Variants in FSTL5 observed in about 807,000 individuals in gnomAD.
The protein encoded by FSTL5 is follistatin-related protein 5.
FSTL5 carries 62 observed loss-of-function variants against 89.1 expected under a neutral mutation model. The ratio of observed to expected loss-of-function variants is 0.70; its 90% CI spans 0.57 to 0.86. The LOEUF (loss-of-function observed/expected upper bound fraction) is 0.86. FSTL5 is among the 40% of genes least tolerant of loss of function. The pLI is 0.00. For missense variants in FSTL5, 1,057 were observed against 1,001.6 expected (o/e 1.06, Z -0.75); for synonymous variants, 383 against 346.2 (o/e 1.11, Z -1.18).
chr4:162,055,048 A>C (rs1738493662), intron 2 of FSTL5, among the ~76,000 whole-genome samples: 3 of 151,888 alleles, frequency 2.0e-5, no homozygotes, highest in African/African-American at 7.3e-5. Context: ...GTTTTTGTGG[A>C]TAGCATGTAT....
At chr4:161,643,033 T>A (rs72687599) in intron 7 of FSTL5, among the ~76,000 whole-genome samples, 2,282 of 152,310 alleles carry the variant, frequency 0.015, 25 homozygotes, top group Non-Finnish European at 0.024. Flanking sequence ...ATAAACATGT[T>A]GGTTTATATA....
intron 2 of FSTL5, among the ~76,000 whole-genome samples, chr4:162,068,064 A>G (rs1353656388): frequency 6.6e-6 from 1 of 152,142 alleles, no homozygotes; most frequent in East Asian, 1.9e-4. Flanking sequence ...ACACAAACAA[A>G]TGGAAAAACA....
chr4:161,688,713 G>C (rs761407582), intron 6 of FSTL5, among the ~76,000 whole-genome samples: 3 of 152,038 alleles, frequency 2.0e-5, no homozygotes, highest in Non-Finnish European at 4.4e-5. Flanking sequence ...TTATGGATAA[G>C]TTAATGGAAA....
intron 1 of FSTL5, among the ~76,000 whole-genome samples, chr4:162,149,220 C>T (rs1733127371): frequency 2.0e-5 from 3 of 152,040 alleles, no homozygotes; most frequent in African/African-American, 7.2e-5. Context: ...CACTAAAAGT[C>T]AATGTATGCT....
intron 15 of FSTL5, among the ~76,000 whole-genome samples, chr4:161,391,754 G>A (rs1338194325): frequency 6.6e-6 from 1 of 152,114 alleles, no homozygotes. Context: ...AACTGGAATT[G>A]CCACATTTAG....
chr4:161,415,349 G>A (rs566874461), intron 15 of FSTL5, among the ~76,000 whole-genome samples: 27 of 151,924 alleles, frequency 1.8e-4, no homozygotes, highest in Non-Finnish European at 3.4e-4. Flanking sequence ...TCTGCCTCCC[G>A]GGTTCAAGTG....
intron 7 of FSTL5, among the ~76,000 whole-genome samples, chr4:161,613,448 CA>C (rs557598699): frequency 0.03 from 3,253 of 109,426 alleles, 61 homozygotes; most frequent in South Asian, 0.15. Flanking sequence ...GTCTCCGTTT[CA>C]AAAAAAAAAA....
At chr4:162,058,954 T>C (rs1256252816) in intron 2 of FSTL5, among the ~76,000 whole-genome samples, 8 of 152,168 alleles carry the variant, frequency 5.3e-5, no homozygotes, top group Admixed American at 4.6e-4. Flanking sequence ...AAAATGTGAA[T>C]TCACTAATTC....
chr4:161,611,193 T>C (rs1030025271), intron 7 of FSTL5, among the ~76,000 whole-genome samples: 1 of 141,916 alleles, frequency 7.0e-6, no homozygotes, highest in African/African-American at 2.8e-5. Context: ...TATATGTGTA[T>C]ATGTGTATAT....
At chr4:161,837,518 T>C (rs1731085138) in intron 4 of FSTL5, among the ~76,000 whole-genome samples, 1 of 152,034 alleles carries the variant, frequency 6.6e-6, no homozygotes, top group African/African-American at 2.4e-5. Context: ...TTCACTAGTT[T>C]GAGGTGAAAA....
At chr4:161,861,581 C>A (rs181916003) in intron 4 of FSTL5, among the ~76,000 whole-genome samples, 1 of 152,212 alleles carries the variant, frequency 6.6e-6, no homozygotes, top group African/African-American at 2.4e-5. Context: ...AAATATGGTA[C>A]AAAAATCCAG....
intron 7 of FSTL5, among the ~76,000 whole-genome samples, chr4:161,593,081 T>C (rs1049019536): frequency 1.3e-5 from 2 of 152,192 alleles, no homozygotes; most frequent in African/African-American, 2.4e-5. Context: ...GAATTTTTCA[T>C]GTTTATTTCT....
intron 6 of FSTL5, among the ~76,000 whole-genome samples, chr4:161,732,188 A>G (rs2126763177): frequency 6.6e-6 from 1 of 152,290 alleles, no homozygotes; most frequent in Non-Finnish European, 1.5e-5. Flanking sequence ...AGGTATAGCC[A>G]ATATGTAATT....
intron 6 of FSTL5, among the ~76,000 whole-genome samples, chr4:161,713,861 C>T (rs1356551563): frequency 6.6e-6 from 1 of 152,060 alleles, no homozygotes; most frequent in Non-Finnish European, 1.5e-5. Flanking sequence ...TCCACTTGGA[C>T]TTTTAATTGC....
intron 7 of FSTL5, among the ~76,000 whole-genome samples, chr4:161,651,343 A>G (rs1444355311): frequency 1.3e-5 from 2 of 152,210 alleles, no homozygotes; most frequent in Admixed American, 6.5e-5. Flanking sequence ...AAAAAAAAAA[A>G]AAAGAAATTC....
At chr4:161,393,506 G>A (rs554990282) in intron 15 of FSTL5, among the ~76,000 whole-genome samples, 1 of 152,116 alleles carries the variant, frequency 6.6e-6, no homozygotes, top group South Asian at 2.1e-4. Context: ...TGGGAGAAGG[G>A]ATGGATGTAG....
chr4:161,567,670 T>G (rs1344502224), intron 8 of FSTL5, among the ~76,000 whole-genome samples: 1 of 152,156 alleles, frequency 6.6e-6, no homozygotes, highest in African/African-American at 2.4e-5. Context: ...CAAGATGCAG[T>G]ACATTCAATT....
At chr4:161,670,012 AT>A (rs1409251597) in intron 6 of FSTL5, among the ~76,000 whole-genome samples, 1 of 152,168 alleles carries the variant, frequency 6.6e-6, no homozygotes, top group Admixed American at 6.6e-5. Flanking sequence ...TTCCTGTATG[AT>A]TTATTGGTGT....
rs528825601 is a variant in FSTL5 at position 161,491,989 on chromosome 4, G to A, written c.1458+8027C>T. On this transcript the variant is annotated intron_variant, in intron 12 of 15. Coordinates refer to ENST00000306100, the MANE Select transcript of FSTL5 (RefSeq NM_020116.5). ...TTTATGTTACATTTTCTTTAAAGCT[G>A]TACAAATGAGATTTATAATAGGATT... is the stretch of plus-strand genomic sequence containing the variant. Among the ~76,000 whole-genome samples the A allele has an allele frequency of 3.3e-5, 5 of 152,184 alleles. No individual in the cohort carries two copies. The South Asian group carries it at 1.0e-3, about 32-fold the overall frequency.
Sources: allele counts gnomAD v4.1 joint callset (sites outside exome capture counted in the v4.1 genomes callset), GRCh38; gene constraint gnomAD v4.1.1; transcripts MANE v1.5; gene names NCBI Gene and HGNC (gene_info 2026-07-23, HGNC 2026-07-21).